The following PPIL2 variants were observed in gnomAD, a reference collection of about 807,000 sequenced individuals.
The protein encoded by PPIL2 is peptidylprolyl isomerase like 2, also known as RING-type E3 ubiquitin-protein ligase PPIL2.
Under a neutral mutation model 75.2 loss-of-function variants are expected in PPIL2, and 50 were observed. The ratio of observed to expected loss-of-function variants is 0.66; its 90% CI spans 0.53 to 0.84. The LOEUF is 0.84. Among genes scored for constraint, PPIL2 ranks in the 40% least tolerant of loss-of-function variants. The probability of loss-of-function intolerance (pLI) is 0.00; values close to 1 mark genes in which losing one functional copy is unlikely to be tolerated. For synonymous variants in PPIL2, 245 were observed against 258.8 expected, an observed-to-expected ratio of 0.95 and a Z score of 0.51; for missense variants, 590 against 685.0, an observed-to-expected ratio of 0.86 and a Z score of 1.55.
At chr22:21,697,956 T>C (rs1479707612), downstream of PPIL2, 1 of 152,314 alleles carries the variant, frequency 6.6e-6, no homozygotes, top group East Asian at 1.9e-4. Context: ...AGAATAAGCA[T>C]TAAGGTATAA....
intron 6 of PPIL2, among the ~76,000 whole-genome samples, chr22:21,680,319 G>A (rs2067057778): frequency 6.6e-6 from 1 of 152,140 alleles, no homozygotes. Flanking sequence ...TTGAGGTCAG[G>A]AGTTCGGGAC....
intron 11 of PPIL2, 98 bp downstream of exon 11, chr22:21,686,656 C>T: frequency 7.9e-7 from 1 of 1,272,916 alleles, no homozygotes; most frequent in Non-Finnish European, 1.1e-6. Context: ...CTGTCAGGGG[C>T]TCCCACTGTC....
chr22:21,677,630 G>T (rs1345160866), intron 6 of PPIL2, among the ~76,000 whole-genome samples: 1 of 152,232 alleles, frequency 6.6e-6, no homozygotes, highest in Non-Finnish European at 1.5e-5. Context: ...AGGTTGCAGT[G>T]AGCCGAGATG....
chr22:21,667,665 G>A (rs970535367), intron 1 of PPIL2, among the ~76,000 whole-genome samples: 2 of 151,886 alleles, frequency 1.3e-5, no homozygotes, highest in Admixed American at 1.3e-4. Context: ...ATTCTCTGTG[G>A]GTGATATAAT....
At chr22:21,670,665 G>C in intron 3 of PPIL2, 54 bp downstream of exon 3, 1 of 1,536,354 alleles carries the variant, frequency 6.5e-7, no homozygotes, top group Non-Finnish European at 9.0e-7. Context: ...GATCCTGTCT[G>C]ATAGTGAATC....
At position 21,696,498 on chromosome 22, in the gene PPIL2, TAAAG is replaced by T. The variant is rs936252358; in HGVS notation, c.*1014_*1017del. On this transcript the variant is annotated 3_prime_UTR_variant, in exon 20 of 20. Transcript: ENST00000398831. ...TTGGGCCAGCTGCATCAGCAGCCCT[TAAAG>T]AAAGACCCCTCCCTCAACCCCCATT... The T allele has an allele frequency of 1.6e-5, 20 of 1,260,042 alleles. No homozygotes were observed. Among genetic ancestry groups the T allele is most frequent in the Non-Finnish European group, 1.7e-5 (17 of 990,660 alleles). 78.1% of individuals were successfully genotyped at this position (1,260,042 alleles called of 1,614,324 possible).
chr22:21,677,163 A>G (rs889539007), intron 6 of PPIL2, among the ~76,000 whole-genome samples: 10 of 150,100 alleles, frequency 6.7e-5, no homozygotes, highest in African/African-American at 2.2e-4. Flanking sequence ...GGGGCTCCTC[A>G]CTTCTCAGAC....
chr22:21,683,152 AC>A lies in PPIL2; in HGVS notation c.478-29del, dbSNP rs774775982. On this transcript the variant is annotated intron_variant, in intron 8 of 19. Transcript: ENST00000398831. ...TGCCATTTGGCCGTAGGCTGGGTTC[AC>A]TCTGCTGGGCATTCTCTTTTTGCCA... is the stretch of plus-strand genomic sequence containing the variant. 16 of 1,585,802 alleles carry A rather than the reference AC, an allele frequency of 1.0e-5. No homozygotes were observed. The East Asian group carries it at 1.3e-4, about 13-fold the overall frequency.
chr22:21,673,569 C>T (rs1219373387), intron 5 of PPIL2: 1 of 152,300 alleles, frequency 6.6e-6, no homozygotes, highest in African/African-American at 2.4e-5. Context: ...CCCACAAAGT[C>T]TGATCTGGCA....
chr22:21,691,637 G>A (rs1017396904), intron 15 of PPIL2, among the ~76,000 whole-genome samples: 3 of 151,394 alleles, frequency 2.0e-5, no homozygotes, highest in Non-Finnish European at 4.4e-5. Context: ...CCGAGATCGC[G>A]CCACTGCACT....
chr22:21,676,309 T>TTTTTTTTG (rs71318714), intron 6 of PPIL2, among the ~76,000 whole-genome samples: 105 of 123,064 alleles, frequency 8.5e-4, no homozygotes, highest in African/African-American at 3.1e-3. Flanking sequence ...TTTATTTATT[T>TTTTTTTTG]TGTGTGTGTG....
At chr22:21,686,697 T>C in intron 11 of PPIL2, 139 bp downstream of exon 11, 1 of 1,062,230 alleles carries the variant, frequency 9.4e-7, no homozygotes, top group South Asian at 1.4e-5. Flanking sequence ...CCCTCTTAGC[T>C]GCTGAACCCC....
chr22:21,669,776 A>G, intron 1 of PPIL2, 137 bp from the exon 2 acceptor site: 1 of 852,462 alleles, frequency 1.2e-6, no homozygotes. Flanking sequence ...TTGGGATTAC[A>G]GGCGTTAGCC....
intron 4 of PPIL2, 72 bp from the exon 5 acceptor site, chr22:21,672,258 C>G: frequency 7.2e-7 from 1 of 1,385,280 alleles, no homozygotes; most frequent in African/African-American, 1.4e-5. Context: ...AGCAGCCCTG[C>G]AAGACCACAG....
intron 15 of PPIL2, among the ~76,000 whole-genome samples, chr22:21,692,132 G>T (rs1238718386): frequency 1.3e-5 from 2 of 151,784 alleles, no homozygotes; most frequent in East Asian, 3.9e-4. Context: ...GGGGTCTGTC[G>T]TGTTCTCCTT....
chr22:21,698,447 T>A (rs2068022399), downstream of PPIL2: 1 of 152,322 alleles, frequency 6.6e-6, no homozygotes, highest in African/African-American at 2.4e-5. Context: ...TTTAGAAGTT[T>A]CTTCCATGTA....
chr22:21,688,892 G>A (rs765964565), intron 15 of PPIL2, 43 bp downstream of exon 15: 13 of 1,550,112 alleles, frequency 8.4e-6, no homozygotes, highest in East Asian at 6.7e-5. Context: ...GAGGTGAGCC[G>A]GCACTCTCTG....
At chr22:21,689,854 T>G (rs964559965) in intron 15 of PPIL2, among the ~76,000 whole-genome samples, 1 of 152,240 alleles carries the variant, frequency 6.6e-6, no homozygotes, top group African/African-American at 2.4e-5. Context: ...GTCCTTTTTC[T>G]GGTCCTCCCG....
At chr22:21,690,672 T>C (rs1447623280) in intron 15 of PPIL2, among the ~76,000 whole-genome samples, 1 of 152,224 alleles carries the variant, frequency 6.6e-6, no homozygotes, top group Admixed American at 6.5e-5. Context: ...TCATGGTGCT[T>C]TTCCTCCTTC....
Sources: allele counts gnomAD v4.1 joint callset (sites outside exome capture counted in the v4.1 genomes callset), GRCh38; gene constraint gnomAD v4.1.1; transcripts MANE v1.5; gene names NCBI Gene and HGNC (gene_info 2026-07-23, HGNC 2026-07-21).